The following SGCD variants were observed in gnomAD, a reference collection of about 807,000 sequenced individuals.
SGCD encodes sarcoglycan delta, also known as delta-sarcoglycan.
Under a neutral mutation model 36.6 loss-of-function variants are expected in SGCD, and 18 were observed. That is an observed-to-expected ratio of 0.49 (90% CI 0.34 to 0.73). The LOEUF (loss-of-function observed/expected upper bound fraction) is 0.73, where lower values mean the gene tolerates loss of function less well. Among genes scored for constraint, SGCD ranks in the 30% least tolerant of loss-of-function variants. The pLI is 0.01. For missense variants in SGCD, 387 were observed against 346.7 expected (o/e 1.12, Z -0.92); for synonymous variants, 133 against 130.6 (o/e 1.02, Z -0.12).
intron 3 of SGCD, among the ~76,000 whole-genome samples, chr5:156,504,806 G>T (rs566202928): frequency 4.6e-4 from 70 of 152,292 alleles, no homozygotes; most frequent in African/African-American, 1.6e-3. Flanking sequence ...AAGGAAAGGG[G>T]ATATATGTAA....
intron 4 of SGCD, among the ~76,000 whole-genome samples, chr5:156,513,575 C>T (rs140870820): frequency 1.7e-3 from 256 of 152,286 alleles, no homozygotes; most frequent in African/African-American, 5.6e-3. Context: ...GTCAACTACT[C>T]GAAGTGAGGA....
intron 1 of SGCD, among the ~76,000 whole-genome samples, chr5:156,028,979 G>A (rs373235049): frequency 1.2e-4 from 19 of 152,046 alleles, no homozygotes; most frequent in African/African-American, 4.6e-4. Flanking sequence ...AGGAAATTTG[G>A]GGAAAATTAT....
chr5:156,088,991 T>G (rs1275091610), intron 1 of SGCD, among the ~76,000 whole-genome samples: 1 of 152,168 alleles, frequency 6.6e-6, no homozygotes, highest in African/African-American at 2.4e-5. Context: ...AGTTGTTGAT[T>G]TGGTCCTTGA....
chr5:156,249,526 C>T (rs1765522961), intron 3 of SGCD, among the ~76,000 whole-genome samples: 1 of 152,134 alleles, frequency 6.6e-6, no homozygotes, highest in Non-Finnish European at 1.5e-5. Flanking sequence ...CTGACACTCA[C>T]AGATTTCAAG....
chr5:156,005,596 G>A (rs1455772672), intron 1 of SGCD, among the ~76,000 whole-genome samples: 1 of 152,048 alleles, frequency 6.6e-6, no homozygotes, highest in Non-Finnish European at 1.5e-5. Flanking sequence ...GACTACAGGC[G>A]CCTGCCGCCG....
intron 3 of SGCD, among the ~76,000 whole-genome samples, chr5:156,129,321 T>C (rs1762253678): frequency 6.6e-6 from 1 of 152,186 alleles, no homozygotes; most frequent in Non-Finnish European, 1.5e-5. Flanking sequence ...ATTCCTAATG[T>C]ACAGATGTAG....
At chr5:155,767,078 G>T in the SGCD span, among the ~76,000 whole-genome samples, 1 of 152,156 alleles carries the variant, frequency 6.6e-6, no homozygotes, top group Admixed American at 6.5e-5. Flanking sequence ...GGTTCTATTA[G>T]TCATGCATAG....
At chr5:155,989,733 G>A (rs945518510) in intron 1 of SGCD, among the ~76,000 whole-genome samples, 2 of 152,142 alleles carry the variant, frequency 1.3e-5, no homozygotes, top group African/African-American at 4.8e-5. Context: ...CTTAGTTTAT[G>A]AGGAAGCAAG....
At chr5:155,863,889 G>T in the SGCD span, among the ~76,000 whole-genome samples, 1 of 152,082 alleles carries the variant, frequency 6.6e-6, no homozygotes. Flanking sequence ...GCACATAATA[G>T]AAAAAACAGA....
intron 1 of SGCD, among the ~76,000 whole-genome samples, chr5:155,952,250 A>T (rs1348260327): frequency 2.0e-5 from 3 of 152,262 alleles, no homozygotes; most frequent in East Asian, 3.9e-4. Context: ...AAGGAGGAAG[A>T]TGCTGACTTA....
chr5:156,675,088 G>A (rs561363594), intron 7 of SGCD, among the ~76,000 whole-genome samples: 464 of 152,294 alleles, frequency 3.0e-3, no homozygotes, highest in Non-Finnish European at 4.5e-3. Flanking sequence ...GAGCAGAACT[G>A]TGGAGTCTGA....
At chr5:156,069,661 A>T (rs1581076107) in intron 1 of SGCD, among the ~76,000 whole-genome samples, 1 of 151,880 alleles carries the variant, frequency 6.6e-6, no homozygotes, top group African/African-American at 2.4e-5. Context: ...TACTGTGAAG[A>T]AAGTCATTGG....
chr5:156,141,076 A>T (rs1251957528), intron 3 of SGCD, among the ~76,000 whole-genome samples: 2 of 152,198 alleles, frequency 1.3e-5, no homozygotes, highest in African/African-American at 4.8e-5. Context: ...TCCACTCCAG[A>T]AGGTATAAAC....
At chr5:156,418,101 G>A (rs1162905464) in intron 3 of SGCD, among the ~76,000 whole-genome samples, 3 of 152,160 alleles carry the variant, frequency 2.0e-5, no homozygotes, top group African/African-American at 7.2e-5. Context: ...AGAAGCTGAA[G>A]CCCAGAAGGA....
chr5:156,300,657 G>C (rs1419721747), intron 3 of SGCD, among the ~76,000 whole-genome samples: 5 of 152,042 alleles, frequency 3.3e-5, no homozygotes, highest in African/African-American at 1.2e-4. Flanking sequence ...TAAGTCCAGA[G>C]TTTCTTTACT....
intron 2 of SGCD, among the ~76,000 whole-genome samples, chr5:156,339,012 T>C (rs1394404440): frequency 6.6e-6 from 1 of 152,148 alleles, no homozygotes; most frequent in Non-Finnish European, 1.5e-5. Context: ...GTAGGAACAT[T>C]TGAATGCCTG....
At chr5:156,750,378 G>A (rs1224729672) in intron 7 of SGCD, among the ~76,000 whole-genome samples, 1 of 152,040 alleles carries the variant, frequency 6.6e-6, no homozygotes, top group Non-Finnish European at 1.5e-5. Context: ...AGTAAAAAAA[G>A]AAAAAGAATT....
chr5:155,956,779 C>A (rs563929097), intron 1 of SGCD, among the ~76,000 whole-genome samples: 1 of 147,434 alleles, frequency 6.8e-6, no homozygotes, highest in African/African-American at 2.5e-5. Flanking sequence ...TTATAAGGAC[C>A]TTTTTGTTGG....
At chr5:156,142,152 C>T (rs1762596951) in intron 3 of SGCD, among the ~76,000 whole-genome samples, 1 of 152,198 alleles carries the variant, frequency 6.6e-6, no homozygotes, top group African/African-American at 2.4e-5. Context: ...TAGCACCTCC[C>T]TGCCTTCCTC....
Sources: gnomAD v4.1 joint callset for allele counts (sites outside exome capture counted in the v4.1 genomes callset) on GRCh38, gnomAD v4.1.1 for gene constraint, MANE v1.5 for transcripts, NCBI Gene and HGNC (gene_info 2026-07-23, HGNC 2026-07-21) for gene names.